Variants in PTPRN2 observed in about 807,000 individuals in gnomAD.
PTPRN2 encodes the protein protein tyrosine phosphatase receptor type N2, also known as receptor-type tyrosine-protein phosphatase N2.
PTPRN2 carries 74 observed loss-of-function variants against 118.8 expected under a neutral mutation model. The ratio of observed to expected loss-of-function variants is 0.62; its 90% CI spans 0.52 to 0.76. The LOEUF is 0.76. Among genes scored for constraint, PTPRN2 ranks in the 30% least tolerant of loss-of-function variants. The pLI is 0.00. For synonymous variants in PTPRN2, 641 were observed against 608.0 expected (o/e 1.05, Z -0.80); for missense variants, 1,481 against 1,394.4 (o/e 1.06, Z -0.99).
At position 157,801,297 on chromosome 7, in the gene PTPRN2, G is replaced by C. The variant is rs1805283524; in HGVS notation, c.1788+97376C>G. On this transcript the variant is annotated intron_variant, in intron 12 of 22. Coordinates refer to ENST00000389418, the MANE Select transcript of PTPRN2 (RefSeq NM_002847.5). The surrounding 1 kb of genome is among the most constrained non-coding windows in gnomAD (Gnocchi z 4.2). ...CTTCGAGATCAGTCTCTCGACCCCT[G>C]TTAGGAGCAACGGCGGTGAGGCAGG... Among the ~76,000 whole-genome samples, 1 of 152,144 alleles carries C rather than the reference G, an allele frequency of 6.6e-6. No individual in the cohort carries two copies. The highest frequency in any genetic ancestry group is 6.5e-5 in the Admixed American group (1 of 15,282).
chr7:158,398,933 CAA>C (rs1486403936), intron 2 of PTPRN2, among the ~76,000 whole-genome samples: 3 of 152,234 alleles, frequency 2.0e-5, no homozygotes, highest in African/African-American at 7.2e-5. Context: ...ATGCTATCCC[CAA>C]CTAGGCTATG....
chr7:158,071,216 T>A (rs1412033689), intron 11 of PTPRN2, among the ~76,000 whole-genome samples: 2 of 53,190 alleles, frequency 3.8e-5, no homozygotes, highest in African/African-American at 1.3e-4. Context: ...CTCGTGGTGG[T>A]GGAGGTGCCC....
chr7:158,387,716 G>C (rs576100186), intron 2 of PTPRN2, among the ~76,000 whole-genome samples: 2 of 152,206 alleles, frequency 1.3e-5, no homozygotes, highest in Non-Finnish European at 2.9e-5. Context: ...TCCAGGCGGA[G>C]GCTGCAGAGC....
intron 6 of PTPRN2, among the ~76,000 whole-genome samples, chr7:158,145,792 C>G (rs1819904642): frequency 6.6e-6 from 1 of 152,186 alleles, no homozygotes; most frequent in Admixed American, 6.5e-5. Flanking sequence ...TCCCATCAAT[C>G]CGATCATCCA....
intron 11 of PTPRN2, among the ~76,000 whole-genome samples, chr7:157,976,368 C>T (rs529216098): frequency 6.6e-6 from 1 of 152,276 alleles, no homozygotes; most frequent in Non-Finnish European, 1.5e-5. Flanking sequence ...CTCCTAGCAC[C>T]GGCTGGCACT....
chr7:158,074,114 G>A (rs1812159660), intron 11 of PTPRN2, among the ~76,000 whole-genome samples: 1 of 152,226 alleles, frequency 6.6e-6, no homozygotes, highest in African/African-American at 2.4e-5. Flanking sequence ...GCAGGGAAGA[G>A]TAATACTTGG....
In PTPRN2 at chr7:158,546,158, G is replaced by C. The variant is rs1826267925; in HGVS notation, c.112+41400C>G. ...AAAGCAGGACTGGGTGTGAGCATGA[G>C]GACAGGAAGGGGGAAGGGGCTGGAC... On this transcript the variant is annotated intron_variant, in intron 1 of 22. Transcript: ENST00000389418. This position sits in a 1 kb window ranked among gnomAD's most constrained non-coding sequence, Gnocchi z 5.0. Among the ~76,000 whole-genome samples the C allele has an allele frequency of 6.6e-6, 1 of 152,168 alleles. No individual in the cohort carries two copies. Among genetic ancestry groups the C allele is most frequent in the Non-Finnish European group, 1.5e-5 (1 of 68,020 alleles).
chr7:157,994,553 A>AGCGCC (rs1563309679), intron 11 of PTPRN2, among the ~76,000 whole-genome samples: 2 of 143,184 alleles, frequency 1.4e-5, no homozygotes, highest in African/African-American at 5.2e-5. Flanking sequence ...TCCTAAAATC[A>AGCGCC]GCACCGCGTC....
chr7:157,909,495 AGGCCCTTCAGAACCT>A (rs1468517611), intron 11 of PTPRN2, among the ~76,000 whole-genome samples: 1 of 152,230 alleles, frequency 6.6e-6, no homozygotes, highest in African/African-American at 2.4e-5. Context: ...CACAGACACA[AGGCCCTTCAGAACCT>A]GGCCCTTGGC....
At position 158,192,314 on chromosome 7, in the gene PTPRN2, G is replaced by A. The variant is rs1202835474; in HGVS notation, c.549+13C>T. 1 of 1,457,196 alleles carries A rather than the reference G, an allele frequency of 6.9e-7. No homozygotes were observed. The highest frequency in any genetic ancestry group is 1.5e-5 in the African/African-American group (1 of 67,234). 90.3% of individuals were successfully genotyped at this position (1,457,196 alleles called of 1,614,324 possible). On this transcript the variant is annotated intron_variant, in intron 5 of 22. Transcript: ENST00000389418. ...AAGCCAACCCCGGCCCGGGGAGGAA[G>A]TGGAAGGGTCACCTCAGCGGGGGGT...
chr7:157,877,844 C>A (rs1308083201), intron 12 of PTPRN2, among the ~76,000 whole-genome samples: 1 of 152,194 alleles, frequency 6.6e-6, no homozygotes, highest in African/African-American at 2.4e-5. Context: ...TCGCCAAAAT[C>A]ATCAAAACAT....
chr7:158,065,201 CCAA>C (rs1046811732), intron 11 of PTPRN2, among the ~76,000 whole-genome samples: 6 of 152,220 alleles, frequency 3.9e-5, no homozygotes, highest in African/African-American at 1.4e-4. Context: ...ACCAGGAACA[CCAA>C]CGTCTCTCCT....
intron 12 of PTPRN2, among the ~76,000 whole-genome samples, chr7:157,872,353 A>C (rs867271549): frequency 3.0e-4 from 11 of 36,988 alleles, no homozygotes; most frequent in South Asian, 1.2e-3. Context: ...CCCCCCACAC[A>C]CATACCCAGT....
chr7:158,111,251 C>A (rs1427396175), intron 9 of PTPRN2, among the ~76,000 whole-genome samples: 1 of 152,174 alleles, frequency 6.6e-6, no homozygotes, highest in Admixed American at 6.5e-5. Context: ...TGGGGCGGAT[C>A]CATGGAGAAA....
At position 157,787,105 on chromosome 7, in the gene PTPRN2, C is replaced by T. The variant is rs1391349481; in HGVS notation, c.1789-104168G>A. On this transcript the variant is annotated intron_variant, in intron 12 of 22. Coordinates refer to ENST00000389418, the MANE Select transcript of PTPRN2 (RefSeq NM_002847.5). This position sits in a 1 kb window ranked among gnomAD's most constrained non-coding sequence, Gnocchi z 5.3. ...GACGCGGGGGTGGCTGCCCGGGAGG[C>T]GGACGCGGGTGCGGCGGGGGACGCG... is the stretch of plus-strand genomic sequence containing the variant. Among the ~76,000 whole-genome samples, 5 of 94,432 alleles carry T rather than the reference C, an allele frequency of 5.3e-5. No individual in the cohort carries two copies. The highest frequency in any genetic ancestry group is 1.6e-4 in the African/African-American group (4 of 24,402). The allele number at this position is 94,432 out of a possible 152,430, so 62.0% of individuals were successfully genotyped here. A position where few individuals can be genotyped will look rare whatever the true frequency, so the allele number is the denominator to read the frequency against.
At chr7:158,333,602 ACT>A (rs1243478328) in intron 2 of PTPRN2, among the ~76,000 whole-genome samples, 1 of 150,654 alleles carries the variant, frequency 6.6e-6, no homozygotes, top group Non-Finnish European at 1.5e-5. Flanking sequence ...ACACACCCAC[ACT>A]CTCACTATAA....
intron 2 of PTPRN2, among the ~76,000 whole-genome samples, chr7:158,471,525 TA>T (rs1444405124): frequency 6.6e-6 from 1 of 151,940 alleles, no homozygotes; most frequent in Non-Finnish European, 1.5e-5. Context: ...CTGTCTCTAC[TA>T]AAAATACAAA....
At chr7:157,946,930 T>TG (rs1800523518) in intron 11 of PTPRN2, among the ~76,000 whole-genome samples, 1 of 151,922 alleles carries the variant, frequency 6.6e-6, no homozygotes, top group Admixed American at 6.6e-5. Flanking sequence ...CGTCTGAGGG[T>TG]CAAAGAATCA....
chr7:158,569,954 C>G (rs1188698649), intron 1 of PTPRN2, among the ~76,000 whole-genome samples: 1 of 152,088 alleles, frequency 6.6e-6, no homozygotes, highest in Non-Finnish European at 1.5e-5. Flanking sequence ...CCTCCCTCAG[C>G]CCCGCGCCCT....
Sources: allele counts gnomAD v4.1 joint callset (sites outside exome capture counted in the v4.1 genomes callset), GRCh38; gene constraint gnomAD v4.1.1; non-coding constraint Gnocchi (gnomAD v3.1); transcripts MANE v1.5; gene names NCBI Gene and HGNC (gene_info 2026-07-23, HGNC 2026-07-21).